The following CRYBG1 variants were observed in gnomAD, a reference collection of about 807,000 sequenced individuals.
CRYBG1 encodes the protein beta/gamma crystallin domain-containing protein 1.
CRYBG1 carries 139 observed loss-of-function variants against 189.2 expected under a neutral mutation model. The observed-to-expected ratio is 0.73, with a 90% CI of 0.64 to 0.85. The LOEUF is 0.85. CRYBG1 is among the 40% of genes least tolerant of loss of function. The probability of loss-of-function intolerance (pLI) is 0.00; values close to 1 mark genes in which losing one functional copy is unlikely to be tolerated. For synonymous variants in CRYBG1, 1,023 were observed against 1,017.1 expected (o/e 1.01, Z -0.11); for missense variants, 2,611 against 2,675.8 (o/e 0.98, Z 0.53).
At chr6:106,428,276 A>G (rs1234674227) in intron 1 of CRYBG1, among the ~76,000 whole-genome samples, 1 of 152,210 alleles carries the variant, frequency 6.6e-6, no homozygotes, top group Non-Finnish European at 1.5e-5. Flanking sequence ...GACATAGTAT[A>G]TTAGAAATTG....
At chr6:106,564,277 T>TCAAA (rs1436330376) in intron 21 of CRYBG1, among the ~76,000 whole-genome samples, 1 of 152,212 alleles carries the variant, frequency 6.6e-6, no homozygotes, top group Non-Finnish European at 1.5e-5. Context: ...TAGGCTGACT[T>TCAAA]CAAACATTTA....
At chr6:106,421,527 A>G (rs1174103284) in intron 1 of CRYBG1, among the ~76,000 whole-genome samples, 1 of 152,110 alleles carries the variant, frequency 6.6e-6, no homozygotes, top group African/African-American at 2.4e-5. Context: ...GGCTTTTAGT[A>G]CCACTAGAGC....
In CRYBG1 at chr6:106,375,016, G is replaced by C. The variant is rs756724309; in HGVS notation, c.173+13935G>C. On this transcript the variant is annotated intron_variant, in intron 1 of 21. Coordinates refer to ENST00000633556, the MANE Select transcript of CRYBG1 (RefSeq NM_001371242.2). ...TTTATTTTGAATGACATATTGAGGT[G>C]GGGGGGGCATAACCTTTTTGATGGT... Among the ~76,000 whole-genome samples, 46 of 150,684 alleles carry C rather than the reference G, an allele frequency of 3.1e-4. 1 individual carries two copies. The highest frequency in any genetic ancestry group is 5.9e-5 in the Non-Finnish European group (4 of 67,694).
At chr6:106,381,392 C>T (rs946426747) in intron 1 of CRYBG1, among the ~76,000 whole-genome samples, 28 of 151,974 alleles carry the variant, frequency 1.8e-4, no homozygotes, top group African/African-American at 6.5e-4. Flanking sequence ...AGCATTTTAC[C>T]TCTTTGGAGC....
rs11297283 is a variant in CRYBG1, at chr6:106,436,908, A to AC, written c.174-14778dup. Among the ~76,000 whole-genome samples, 639 of 150,138 alleles carry AC rather than the reference A, an allele frequency of 4.3e-3. 6 individuals carry two copies. Among genetic ancestry groups the AC allele is most frequent in the Middle Eastern group, 6.9e-3 (2 of 290 alleles). On this transcript the variant is annotated intron_variant, in intron 1 of 21. Coordinates refer to ENST00000633556, the MANE Select transcript of CRYBG1 (RefSeq NM_001371242.2). Reference sequence around the variant, plus strand: ...CTAAAAGACTGTAGCAATTAATATAACCCCCCCCACCCCCGAGTAGTATGT... The same window carrying AC: ...CTAAAAGACTGTAGCAATTAATATAACCCCCCCCCACCCCCGAGTAGTATGT...
intron 1 of CRYBG1, among the ~76,000 whole-genome samples, chr6:106,449,693 A>G (rs1771739807): frequency 6.6e-6 from 1 of 152,140 alleles, no homozygotes; most frequent in South Asian, 2.1e-4. Flanking sequence ...AATTCTCCTG[A>G]GCTATATGTG....
chr6:106,381,751 C>T lies in CRYBG1; in HGVS notation c.173+20670C>T, dbSNP rs575251504. Among the ~76,000 whole-genome samples, 3 of 152,288 alleles carry T rather than the reference C, an allele frequency of 2.0e-5. No homozygotes were observed. In the South Asian group the frequency reaches 6.2e-4, roughly 32 times the overall value. ...GTTCTGCCAGTCATTGGTTAAGGGCCGATCCTGCAGGCACTGTTTCTCTGG... is the reference window on the plus strand; with the variant it reads ...GTTCTGCCAGTCATTGGTTAAGGGCTGATCCTGCAGGCACTGTTTCTCTGG... On this transcript the variant is annotated intron_variant, in intron 1 of 21. Coordinates refer to ENST00000633556, the MANE Select transcript of CRYBG1 (RefSeq NM_001371242.2).
Position 106,539,392 on chromosome 6 carries a change from T to C in CRYBG1, c.4719-11T>C. 1 of 1,613,164 alleles carries C rather than the reference T, an allele frequency of 6.2e-7. No individual in the cohort carries two copies. The highest frequency in any genetic ancestry group is 8.5e-7 in the Non-Finnish European group (1 of 1,179,680). ...CGGCTCCCTTTCTTTCCTTCCATGG[T>C]GGCTATTTAGGTGGCTGATTTATGA... is the stretch of plus-strand genomic sequence containing the variant. On this transcript the variant is annotated splice_polypyrimidine_tract_variant and intron_variant, in intron 8 of 21. Transcript: ENST00000633556.
chr6:106,504,226 A>C (rs1177475109), intron 2 of CRYBG1, among the ~76,000 whole-genome samples: 1 of 152,080 alleles, frequency 6.6e-6, no homozygotes, highest in African/African-American at 2.4e-5. Context: ...GACTGGGAGC[A>C]GTGACATCGG....
At chr6:106,527,245 G>T in intron 6 of CRYBG1, 60 bp from the exon 7 acceptor site, 1 of 1,447,712 alleles carries the variant, frequency 6.9e-7, no homozygotes, top group South Asian at 1.4e-5. Context: ...CAGGTTATTT[G>T]AGTAATCAAA....
At chr6:106,557,461 G>GT (rs2114592890) in intron 17 of CRYBG1, among the ~76,000 whole-genome samples, 1 of 150,988 alleles carries the variant, frequency 6.6e-6, no homozygotes, top group Admixed American at 6.6e-5. Context: ...CTGGAGTGCA[G>GT]TGGCATGATC....
chr6:106,522,673 G>A (rs1773637015), intron 4 of CRYBG1, among the ~76,000 whole-genome samples: 1 of 152,150 alleles, frequency 6.6e-6, no homozygotes, highest in African/African-American at 2.4e-5. Flanking sequence ...CGGCTGTCTG[G>A]CAAGTGTGGA....
chr6:106,437,650 C>T (rs773822220), intron 1 of CRYBG1, among the ~76,000 whole-genome samples: 2 of 152,182 alleles, frequency 1.3e-5, no homozygotes, highest in Non-Finnish European at 2.9e-5. Context: ...TTGCCCAGGC[C>T]GGTTTTGAAC....
At chr6:106,492,480 G>A (rs1466685554) in intron 2 of CRYBG1, among the ~76,000 whole-genome samples, 3 of 151,776 alleles carry the variant, frequency 2.0e-5, no homozygotes, top group Admixed American at 2.0e-4. Context: ...TACTTCTGAA[G>A]AAAGGAAGGA....
Position 106,512,830 on chromosome 6 carries a change from C to G in CRYBG1, c.1713C>G (p.Leu571=). 1 of 1,578,190 alleles carries G rather than the reference C, an allele frequency of 6.3e-7. No individual in the cohort carries two copies. Among genetic ancestry groups the G allele is most frequent in the South Asian group, 1.1e-5 (1 of 87,064 alleles). ...EEAARAIPRE[L]PVKSSSLLPE... ...CGGCGCGGGCCATCCCCCGCGAGCT[C>G]CCGGTCAAGAGCAGCTCGCTGCTGC... is the stretch of plus-strand genomic sequence containing the variant. Residue 571 remains leucine (L), a synonymous_variant, in exon 3 of 22, where the codon CTC becomes CTG. Coordinates refer to ENST00000633556, the MANE Select transcript of CRYBG1 (RefSeq NM_001371242.2).
intron 1 of CRYBG1, among the ~76,000 whole-genome samples, chr6:106,430,392 A>C (rs927018): frequency 0.38 from 58,024 of 152,070 alleles, 11,860 homozygotes; most frequent in East Asian, 0.68. Flanking sequence ...CAGAGCAAGA[A>C]CCTGTCTCAA....
chr6:106,397,118 T>C (rs6568435), intron 1 of CRYBG1, among the ~76,000 whole-genome samples: 109,314 of 152,166 alleles, frequency 0.72, 40,230 homozygotes, highest in African/African-American at 0.89. Flanking sequence ...TTTTCTTTCC[T>C]CAAGCTTTAC....
At chr6:106,427,875 C>T (rs973046351) in intron 1 of CRYBG1, among the ~76,000 whole-genome samples, 6 of 152,160 alleles carry the variant, frequency 3.9e-5, no homozygotes, top group African/African-American at 7.2e-5. Context: ...CTCCCAGGCA[C>T]GCTTGGCCTT....
chr6:106,525,419 G>GT (rs764675080), intron 6 of CRYBG1, 33 bp downstream of exon 6: 2 of 1,546,768 alleles, frequency 1.3e-6, no homozygotes, highest in East Asian at 2.2e-5. Flanking sequence ...CTGATGTCAA[G>GT]TGTTTGAGTT....
Sources: allele counts gnomAD v4.1 joint callset (sites outside exome capture counted in the v4.1 genomes callset), GRCh38; gene constraint gnomAD v4.1.1; transcripts MANE v1.5; gene names NCBI Gene and HGNC (gene_info 2026-07-23, HGNC 2026-07-21).